The following GPC4 variants were observed in gnomAD, a reference collection of about 807,000 sequenced individuals.
GPC4 encodes glypican 4.
A neutral mutation model predicts 35.0 loss-of-function variants in GPC4; 10 were observed. The observed-to-expected ratio is 0.29, with a 90% CI of 0.18 to 0.48. The LOEUF (loss-of-function observed/expected upper bound fraction) is 0.48. Among genes scored for constraint, GPC4 ranks in the 20% least tolerant of loss-of-function variants. The probability of loss-of-function intolerance (pLI) is 0.99; values close to 1 mark genes in which losing one functional copy is unlikely to be tolerated. For synonymous variants in GPC4, 167 were observed against 170.2 expected (o/e 0.98, Z 0.15); for missense variants, 322 against 451.3 (o/e 0.71, Z 2.60).
chrX:133,323,992 CA>C (rs1232614570), intron 3 of GPC4, among the ~76,000 whole-genome samples, 152 bp downstream of exon 3: 1 of 111,895 alleles, frequency 8.9e-6, no homozygotes, highest in Non-Finnish European at 1.9e-5. Flanking sequence ...CGTGTAAGGA[CA>C]GTGTGTGGGA....
chrX:133,319,221 A>T (rs997483824), intron 3 of GPC4, among the ~76,000 whole-genome samples: 6 of 109,745 alleles, frequency 5.5e-5, no homozygotes, highest in African/African-American at 1.7e-4. Context: ...AGGTGAGAGG[A>T]TCACTTGAGC....
At chrX:133,305,669 C>A in intron 6 of GPC4, 103 bp downstream of exon 6, 2 of 1,044,055 alleles carry the variant, frequency 1.9e-6, no homozygotes, top group South Asian at 2.2e-5. Flanking sequence ...AAAGTGACAC[C>A]TGAAAGACCC....
At chrX:133,344,064 A>G (rs1164015189) in intron 1 of GPC4, among the ~76,000 whole-genome samples, 2 of 109,499 alleles carry the variant, frequency 1.8e-5, no homozygotes, top group African/African-American at 3.3e-5. Context: ...TCAGTTGCTC[A>G]TAACTCAGCT....
chrX:133,370,375 G>A (rs1478610056), intron 1 of GPC4, among the ~76,000 whole-genome samples: 2 of 111,992 alleles, frequency 1.8e-5, no homozygotes, highest in African/African-American at 6.5e-5. Flanking sequence ...TTCATTTGAT[G>A]GAGAAAGACA....
chrX:133,318,759 T>G (rs967330624), intron 3 of GPC4, among the ~76,000 whole-genome samples: 1 of 112,542 alleles, frequency 8.9e-6, no homozygotes. Context: ...AAATGTATCA[T>G]GAACCATGAC....
At chrX:133,329,414 C>T (rs1163189735) in intron 2 of GPC4, among the ~76,000 whole-genome samples, 1 of 111,758 alleles carries the variant, frequency 8.9e-6, no homozygotes, top group Non-Finnish European at 1.9e-5. Flanking sequence ...TCTGAGGGGA[C>T]ATAAATGAAG....
At chrX:133,405,458 A>G (rs2124184340) in intron 1 of GPC4, among the ~76,000 whole-genome samples, 1 of 111,949 alleles carries the variant, frequency 8.9e-6, no homozygotes, top group African/African-American at 3.2e-5. Context: ...TAAGCCAAAC[A>G]CCATTATTTA....
Position 133,339,329 on chromosome X carries a change from T to C in GPC4, c.173A>G (p.Lys58Arg). The C allele has an allele frequency of 8.3e-7, 1 of 1,209,084 alleles. No homozygotes were observed. Among genetic ancestry groups the C allele is most frequent in the Non-Finnish European group, 1.1e-6 (1 of 893,965 alleles). ...GCAGGTAGAACCCTGGGGACAGATC[T>C]TCAAATGATCACCTGCAAGATAAAA... ...PLHEINGDHL[K>R]ICPQGSTCCS... The change falls in exon 2 of 9, where the codon AAG becomes AGG. Residue 58 changes from lysine (K) to arginine (R), a missense_variant. By Grantham distance (26) the Lys-to-Arg change is conservative. Around this residue, in one of 3 missense-constraint regions of GPC4, gnomAD observed 60 missense variants for 64.1 expected, o/e 0.94. Transcript: ENST00000370828.
Position 133,326,977 on chromosome X carries a change from C to T in GPC4, c.320-2441G>A, listed in dbSNP as rs142820645. 4.4e-5 allele frequency among the ~76,000 whole-genome samples: 5 copies of T among 112,518 alleles called. No homozygotes were observed. The East Asian group carries it at 8.5e-4, about 19-fold the overall frequency. On this transcript the variant is annotated intron_variant, in intron 2 of 8. Transcript: ENST00000370828. ...GGGCATAAAAGGCACACGTGGATTGCGTTATTATATGACCAGTGTGTTGCA... is the reference window on the plus strand; with the variant it reads ...GGGCATAAAAGGCACACGTGGATTGTGTTATTATATGACCAGTGTGTTGCA...
At chrX:133,376,965 C>T (rs890385278) in intron 1 of GPC4, among the ~76,000 whole-genome samples, 52 of 111,891 alleles carry the variant, frequency 4.6e-4, no homozygotes, top group African/African-American at 1.7e-3. Context: ...ACAAGCAGAA[C>T]AGCTTGGTGT....
intron 1 of GPC4, among the ~76,000 whole-genome samples, chrX:133,359,171 A>G (rs991449556): frequency 1.8e-5 from 2 of 111,627 alleles, no homozygotes; most frequent in South Asian, 7.6e-4. Context: ...TGGGAGAGGA[A>G]AAGTACAAAC....
At chrX:133,309,108 A>C (rs750883486) in intron 4 of GPC4, among the ~76,000 whole-genome samples, 2 of 111,849 alleles carry the variant, frequency 1.8e-5, no homozygotes, top group Non-Finnish European at 3.8e-5. Context: ...AAAATTCATG[A>C]AAAAGCACTG....
intron 1 of GPC4, among the ~76,000 whole-genome samples, chrX:133,394,269 C>CA (rs1039109462): frequency 6.7e-5 from 7 of 104,954 alleles, no homozygotes; most frequent in Admixed American, 1.0e-4. Flanking sequence ...GATTCTGTCT[C>CA]AAAAAAAAAT....
chrX:133,372,706 CT>C (rs1429533613), intron 1 of GPC4, among the ~76,000 whole-genome samples: 1 of 112,060 alleles, frequency 8.9e-6, no homozygotes, highest in East Asian at 2.8e-4. Context: ...GCTTATCACA[CT>C]TTTTGAAAGT....
intron 1 of GPC4, among the ~76,000 whole-genome samples, chrX:133,347,201 T>C (rs1381209265): frequency 9.5e-6 from 1 of 105,364 alleles, no homozygotes; most frequent in African/African-American, 3.5e-5. Flanking sequence ...GGAAAGTCTA[T>C]GTGCTATCTT....
At chrX:133,328,535 G>A (rs1159013195) in intron 2 of GPC4, among the ~76,000 whole-genome samples, 2 of 111,145 alleles carry the variant, frequency 1.8e-5, no homozygotes, top group African/African-American at 6.6e-5. Context: ...CTACAATGAG[G>A]AATGAAGCAT....
chrX:133,359,794 C>A (rs781570280), intron 1 of GPC4, among the ~76,000 whole-genome samples: 128 of 111,402 alleles, frequency 1.1e-3, no homozygotes, highest in Non-Finnish European at 2.0e-3. Flanking sequence ...TGGTATCCAC[C>A]AGCCAGTTTT....
At chrX:133,349,533 G>A (rs1253488133) in intron 1 of GPC4, among the ~76,000 whole-genome samples, 1 of 112,514 alleles carries the variant, frequency 8.9e-6, no homozygotes, top group African/African-American at 3.2e-5. Flanking sequence ...GAGGCTCACA[G>A]ATATCAGACA....
At position 133,324,553 on chromosome X, in the gene GPC4, A is replaced by C. The variant is rs1482430268; in HGVS notation, c.320-17T>G. 4.7e-6 allele frequency: 2 copies of C among 421,133 alleles called. No individual in the cohort carries two copies. Among genetic ancestry groups the C allele is most frequent in the Non-Finnish European group, 6.5e-6 (2 of 309,141 alleles). The allele number at this position is 421,133 out of a possible 1,213,427, so 34.7% of individuals were successfully genotyped here. ...TGAAGAATTCTGAAACCAACACCAAAAAAAAAAAAAAAAAAAGGAAAAACG... is the reference window on the plus strand; with the variant it reads ...TGAAGAATTCTGAAACCAACACCAACAAAAAAAAAAAAAAAAGGAAAAACG... On this transcript the variant is annotated splice_polypyrimidine_tract_variant and intron_variant, in intron 2 of 8. Transcript: ENST00000370828.
Sources: gnomAD v4.1 joint callset for allele counts (sites outside exome capture counted in the v4.1 genomes callset) on GRCh38, gnomAD v4.1.1 for gene constraint, gnomAD v4.1.1 regional missense constraint, MANE v1.5 for transcripts, NCBI Gene and HGNC (gene_info 2026-07-23, HGNC 2026-07-21) for gene names.